QSER1: variants seen among roughly 807,000 people sequenced by gnomAD.
The protein encoded by QSER1 is glutamine and serine-rich protein 1.
Under a neutral mutation model 158.5 loss-of-function variants are expected in QSER1, and 49 were observed. The observed-to-expected ratio is 0.31, with a 90% confidence interval of 0.25 to 0.39. The LOEUF is 0.39. Ranked by LOEUF, QSER1 falls within the 10% of genes least tolerant of loss-of-function variation. QSER1 has a pLI of 1.00. For missense variants in QSER1, 1,754 were observed against 2,010.3 expected, an observed-to-expected ratio of 0.87 and a Z score of 2.44; for synonymous variants, 650 against 715.5, an observed-to-expected ratio of 0.91 and a Z score of 1.46.
At chr11:32,964,537 TAC>T (rs1292991967) in intron 8 of QSER1, among the ~76,000 whole-genome samples, 1 of 151,608 alleles carries the variant, frequency 6.6e-6, no homozygotes, top group Non-Finnish European at 1.5e-5. Flanking sequence ...CCCCCTGGGG[TAC>T]AGTTACTTTA....
chr11:32,905,643 G>A (rs1161438413), intron 1 of QSER1, among the ~76,000 whole-genome samples: 1 of 152,092 alleles, frequency 6.6e-6, no homozygotes, highest in African/African-American at 2.4e-5. Flanking sequence ...GCAAGTTTTT[G>A]ACTCAAATCT....
At chr11:32,941,212 TTTATTATTA>T (rs144498391) in intron 4 of QSER1, among the ~76,000 whole-genome samples, 18 of 146,446 alleles carry the variant, frequency 1.2e-4, no homozygotes, top group Non-Finnish European at 1.8e-4. Flanking sequence ...AGTTTTTGTT[TTTATTATTA>T]TTATTATTAT....
chr11:32,973,417 T>G lies in QSER1; in HGVS notation c.5226T>G (p.Pro1742=). The G allele has an allele frequency of 1.2e-6, 2 of 1,613,380 alleles. No individual in the cohort carries two copies. The highest frequency in any genetic ancestry group is 1.7e-6 in the Non-Finnish European group (2 of 1,179,826). The change falls in exon 11 of 13, where the codon CCT becomes CCG. Residue 1742 remains proline, a synonymous_variant. Transcript: ENST00000650167. ...QSFKNALESF[P]ELTIITRDSK... ...TCCAGAATGCTTTGGAAAGTTTTCC[T>G]GAACTAACAATAATTACTCGAGATT...
rs181150040 is a variant in QSER1, at chr11:32,922,451, A to T, written c.210-4706A>T. On this transcript the variant is annotated intron_variant, in intron 1 of 12. Transcript: ENST00000650167. Reference sequence around the variant, plus strand: ...ATTTCTACATGGCAGATGGTGAGATACTTATTGTACATCAATTAGAATGGC... The same window carrying T: ...ATTTCTACATGGCAGATGGTGAGATTCTTATTGTACATCAATTAGAATGGC... 2.8e-3 allele frequency among the ~76,000 whole-genome samples: 416 copies of T among 151,134 alleles called. 2 individuals carry two copies. The highest frequency in any genetic ancestry group is 1.5e-3 in the East Asian group (8 of 5,162).
In QSER1 at chr11:32,892,832, T is replaced by G. The variant is rs1211972993; in HGVS notation, c.-294T>G. On this transcript the variant is annotated 5_prime_UTR_variant, in exon 1 of 13. An upstream start codon of the reference 5' UTR is lost. Coordinates refer to ENST00000650167, the MANE Select transcript of QSER1 (RefSeq NM_001076786.3). ...GTGCATCCTGGGAAATCCACCAACATGGGGCGCAGCGGCCGCCGCCGCCGC... is the reference window on the plus strand; with the variant it reads ...GTGCATCCTGGGAAATCCACCAACAGGGGGCGCAGCGGCCGCCGCCGCCGC... Among the ~76,000 whole-genome samples, 2 of 116,786 alleles carry G rather than the reference T, an allele frequency of 1.7e-5. No homozygotes were observed. The allele number at this position is 116,786 out of a possible 152,430, so 76.6% of individuals were successfully genotyped here.
Position 32,946,493 on chromosome 11 carries a change from G to A in QSER1, c.4178-7364G>A, listed in dbSNP as rs540798836. Among the ~76,000 whole-genome samples, 630 of 152,278 alleles carry A rather than the reference G, an allele frequency of 4.1e-3. 3 individuals are homozygous for A. Among genetic ancestry groups the A allele is most frequent in the African/African-American group, 0.014 (575 of 41,564 alleles). ...AGCTGCAGGTCTGTTGGAGTACCCTGCAGTGTGAGGTGTCAGGGTGCCCCT... is the reference window on the plus strand; with the variant it reads ...AGCTGCAGGTCTGTTGGAGTACCCTACAGTGTGAGGTGTCAGGGTGCCCCT... On this transcript the variant is annotated intron_variant, in intron 4 of 12. Transcript: ENST00000650167.
chr11:32,952,832 A>G, intron 4 of QSER1, among the ~76,000 whole-genome samples: 1 of 134,314 alleles, frequency 7.4e-6, no homozygotes, highest in Non-Finnish European at 1.6e-5. Flanking sequence ...CTTGAGACAG[A>G]GTCTCTTTTG....
In QSER1 at chr11:32,933,054, C is replaced by G. The variant is rs1295776627; in HGVS notation, c.1796C>G (p.Ala599Gly). 4 of 1,613,304 alleles carry G rather than the reference C, an allele frequency of 2.5e-6. No individual in the cohort carries two copies. In the East Asian group the frequency reaches 6.7e-5, roughly 27 times the overall value. The change falls in exon 4 of 13, where the codon GCC becomes GGC. Residue 599 changes from alanine (A) to glycine (G), a missense_variant. Physicochemically the swap from Ala to Gly is moderately conservative, Grantham distance 60. Transcript: ENST00000650167. ...TCAGGGGAGTCCCTAACATTAACAG[C>G]CCCTTCTCTTTCTTATTCTTCTGCC... is the stretch of plus-strand genomic sequence containing the variant. The part of the protein sequence containing the change: ...YASGESLTLT[A>G]PSLSYSSASR...
intron 4 of QSER1, among the ~76,000 whole-genome samples, chr11:32,951,871 CTT>C (rs1464066758): frequency 7.5e-6 from 1 of 133,574 alleles, no homozygotes; most frequent in Admixed American, 8.2e-5. Context: ...GAATTTCGCT[CTT>C]GTTGCCCAGG....
Position 32,931,808 on chromosome 11 carries a change from C to G in QSER1, c.550C>G (p.Pro184Ala). 6.2e-7 allele frequency: 1 copy of G among 1,613,978 alleles called. No individual in the cohort carries two copies. The highest frequency in any genetic ancestry group is 8.5e-7 in the Non-Finnish European group (1 of 1,179,916). The change falls in exon 4 of 13, where the codon CCA (proline) becomes GCA (alanine). Residue 184 changes from proline (P) to alanine (A), a missense_variant. Coordinates refer to ENST00000650167, the MANE Select transcript of QSER1 (RefSeq NM_001076786.3). The part of the protein sequence containing the change: ...TGPLPSTGTL[P>A]PSLSAYQHPT... ...ACCTTTGCCAAGCACTGGAACACTT[C>G]CACCATCTCTCTCTGCTTATCAGCA...
chr11:32,933,307 G>A lies in QSER1; in HGVS notation c.2049G>A (p.Val683=), dbSNP rs528347352. 8.8e-5 allele frequency: 142 copies of A among 1,610,856 alleles called. 1 individual carries two copies. In the South Asian group the frequency reaches 1.5e-3, roughly 16 times the overall value. ...SYAERKLDSD[V]YPSSKQEDGF... The stretch of plus-strand genomic sequence containing the variant: ...CTGAAAGAAAGCTTGACTCAGATGT[G>A]TATCCATCTTCAAAGCAAGAAGATG... The change falls in exon 4 of 13, where the codon GTG becomes GTA. Residue 683 remains valine (V), a synonymous_variant. Coordinates refer to ENST00000650167, the MANE Select transcript of QSER1 (RefSeq NM_001076786.3).
Position 32,933,045 on chromosome 11 carries a change from C to G in QSER1, c.1787C>G (p.Thr596Arg). Residue 596 changes from threonine to arginine, a missense_variant, in exon 4 of 13, where the codon ACA becomes AGA. Physicochemically the swap from Thr to Arg is moderately conservative, Grantham distance 71. Coordinates refer to ENST00000650167, the MANE Select transcript of QSER1 (RefSeq NM_001076786.3). ...AGCTATGCTTCAGGGGAGTCCCTAA[C>G]ATTAACAGCCCCTTCTCTTTCTTAT... Reference protein sequence around the residue: ...SESYASGESLTLTAPSLSYSS... With the variant: ...SESYASGESLRLTAPSLSYSS... 6.2e-7 allele frequency: 1 copy of G among 1,613,074 alleles called. No homozygotes were observed. The highest frequency in any genetic ancestry group is 8.5e-7 in the Non-Finnish European group (1 of 1,179,996).
chr11:32,908,215 A>G (rs910822998), intron 1 of QSER1, among the ~76,000 whole-genome samples: 1 of 152,224 alleles, frequency 6.6e-6, no homozygotes, highest in Non-Finnish European at 1.5e-5. Flanking sequence ...AATGATGACA[A>G]ATAGAAAAAG....
At position 32,933,852 on chromosome 11, in the gene QSER1, T is replaced by C. The variant is rs1319712719; in HGVS notation, c.2594T>C (p.Leu865Pro). The stretch of plus-strand genomic sequence containing the variant: ...GATTCTGCCTGTGATTTACAAATTC[T>C]TCAGCAGTCAATACTGCAGGCAGGT... ...LLDSACDLQI[L>P]QQSILQAGLG... The change falls in exon 4 of 13, where the codon CTT (leucine) becomes CCT (proline). Residue 865 changes from leucine (L) to proline (P), a missense_variant. Transcript: ENST00000650167. 1 of 1,613,558 alleles carries C rather than the reference T, an allele frequency of 6.2e-7. No homozygotes were observed. Among genetic ancestry groups the C allele is most frequent in the Non-Finnish European group, 8.5e-7 (1 of 1,179,796 alleles).
chr11:32,898,838 G>A (rs931369033), intron 1 of QSER1, among the ~76,000 whole-genome samples: 1 of 152,180 alleles, frequency 6.6e-6, no homozygotes, highest in African/African-American at 2.4e-5. Flanking sequence ...CCTCTCAGGC[G>A]TGAGCCACCA....
At chr11:32,916,785 T>A (rs894923204) in intron 1 of QSER1, among the ~76,000 whole-genome samples, 3 of 149,358 alleles carry the variant, frequency 2.0e-5, no homozygotes, top group African/African-American at 4.9e-5. Flanking sequence ...TGACTCTATT[T>A]TTTTTTTTTT....
chr11:32,930,638 C>T lies in QSER1; in HGVS notation c.485-1105C>T, dbSNP rs538672664. 1.3e-3 allele frequency among the ~76,000 whole-genome samples: 205 copies of T among 152,216 alleles called. 1 individual carries two copies. Among genetic ancestry groups the T allele is most frequent in the African/African-American group, 4.8e-3 (201 of 41,558 alleles). On this transcript the variant is annotated intron_variant, in intron 3 of 12. Transcript: ENST00000650167. ...TTCTATGTCAAAACATATGTATCCA[C>T]CTTAATGTTTATGGCAATAGTATTA...
intron 9 of QSER1, among the ~76,000 whole-genome samples, 158 bp from the exon 10 acceptor site, chr11:32,968,888 G>A (rs907909950): frequency 3.3e-5 from 5 of 152,094 alleles, no homozygotes; most frequent in Non-Finnish European, 7.4e-5. Context: ...GTTAACCTTT[G>A]TTCAGAAAGC....
intron 10 of QSER1, among the ~76,000 whole-genome samples, chr11:32,969,686 C>CTTTTTTTTTTT (rs1321422488): frequency 1.5e-5 from 2 of 134,740 alleles, no homozygotes; most frequent in Non-Finnish European, 3.2e-5. Context: ...CTTTTCTTTT[C>CTTTTTTTTTTT]TTTTTTTTTT....
Sources: allele counts gnomAD v4.1 joint callset (sites outside exome capture counted in the v4.1 genomes callset), GRCh38; gene constraint gnomAD v4.1.1; transcripts MANE v1.5; gene names NCBI Gene and HGNC (gene_info 2026-07-23, HGNC 2026-07-21).